COL16A1: variants seen among roughly 807,000 people sequenced by gnomAD.
The protein encoded by COL16A1 is collagen alpha-1(XVI) chain.
In COL16A1, 189 loss-of-function variants were observed where a neutral mutation model predicts 266.3. That is an observed-to-expected ratio of 0.71 (90% CI 0.63 to 0.80). COL16A1 has a LOEUF of 0.80. COL16A1 is among the 30% of genes least tolerant of loss of function. The probability of loss-of-function intolerance (pLI) is 0.00; values close to 1 mark genes in which losing one functional copy is unlikely to be tolerated. For synonymous variants in COL16A1, 740 were observed against 782.3 expected (o/e 0.95, Z 0.90); for missense variants, 1,928 against 2,122.4 (o/e 0.91, Z 1.80).
Position 31,697,051 on chromosome 1 carries a change from T to G in COL16A1, c.776A>C (p.Gln259Pro), listed in dbSNP as rs1644532898. Residue 259 changes from glutamine to proline, a missense_variant, in exon 8 of 71, where the codon CAG (glutamine) becomes CCG (proline). Physicochemically the swap from Gln to Pro is moderately conservative, Grantham distance 76. This residue lies in a region of COL16A1 where 1,552 missense variants were observed against 1,637.2 expected (regional missense o/e 0.95). Coordinates refer to ENST00000373672, the MANE Select transcript of COL16A1 (RefSeq NM_001856.4). The surrounding 1 kb of genome is among the most constrained non-coding windows in gnomAD (Gnocchi z 4.2). ...ATTGATCTCAATGAGCTCATTGCTC[T>G]GGGTGTCCCGGCGGGCCTTGGAGGT... is the stretch of plus-strand genomic sequence containing the variant. ...PETSKARRDT[Q>P]SNELIEINPQ... The G allele has an allele frequency of 1.9e-6, 3 of 1,614,170 alleles. No homozygotes were observed. Among genetic ancestry groups the G allele is most frequent in the Non-Finnish European group, 2.5e-6 (3 of 1,180,022 alleles).
chr1:31,700,170 C>A, intron 2 of COL16A1, 55 bp from the exon 3 acceptor site: 1 of 1,558,092 alleles, frequency 6.4e-7, no homozygotes, highest in Non-Finnish European at 8.9e-7. Flanking sequence ...GGTTGCTGCA[C>A]GGCTGGACGC....
intron 39 of COL16A1, among the ~76,000 whole-genome samples, chr1:31,680,387 C>G (rs1643543738): frequency 6.6e-6 from 1 of 152,204 alleles, no homozygotes; most frequent in African/African-American, 2.4e-5. Flanking sequence ...AAACGATGGT[C>G]CTGCTGTTAC....
chr1:31,685,720 A>T lies in COL16A1; in HGVS notation c.1935T>A (p.Asp645Glu), dbSNP rs771856925. ...GGCCAGGCAAGGCCACCACACGGACATCCCCATCCTGAAGGTTGGACAGGG... is the reference window on the plus strand; with the variant it reads ...GGCCAGGCAAGGCCACCACACGGACTTCCCCATCCTGAAGGTTGGACAGGG... ...CPALSNLQDG[D>E]VRVVALPGPS... is the part of the protein sequence containing the mutation. The change falls in exon 29 of 71, where the codon GAT becomes GAA. Residue 645 changes from aspartate to glutamate, a missense_variant. This residue lies in a region of COL16A1 where 1,552 missense variants were observed against 1,637.2 expected (regional missense o/e 0.95). Transcript: ENST00000373672. The surrounding 1 kb of genome is among the most constrained non-coding windows in gnomAD (Gnocchi z 4.0). 1 of 1,613,890 alleles carries T rather than the reference A, an allele frequency of 6.2e-7. No individual in the cohort carries two copies. The highest frequency in any genetic ancestry group is 1.3e-5 in the African/African-American group (1 of 74,936).
intron 26 of COL16A1, among the ~76,000 whole-genome samples, chr1:31,686,536 G>A (rs1398999297): frequency 2.6e-5 from 4 of 152,220 alleles, no homozygotes; most frequent in Non-Finnish European, 4.4e-5. Context: ...CAAAAATCAC[G>A]AAGGCATTTT....
At chr1:31,692,385 T>C (rs1396889279) in intron 16 of COL16A1, 89 bp downstream of exon 16, 1 of 1,514,180 alleles carries the variant, frequency 6.6e-7, no homozygotes, top group Non-Finnish European at 8.9e-7. Flanking sequence ...TGACACCCTC[T>C]CCTCAGAGAA....
intron 13 of COL16A1, 128 bp downstream of exon 13, chr1:31,692,964 C>T (rs1051519791): frequency 1.7e-5 from 16 of 946,720 alleles, no homozygotes; most frequent in South Asian, 2.9e-5. Context: ...CTGGCCCTCA[C>T]CCCCCTCCCG....
chr1:31,689,171 C>T, intron 23 of COL16A1, 86 bp from the exon 24 acceptor site: 2 of 1,601,696 alleles, frequency 1.2e-6, no homozygotes, highest in Admixed American at 1.7e-5. Flanking sequence ...ACAGCAATGT[C>T]ACACACGCAA....
Position 31,663,008 on chromosome 1 carries a change from A to C in COL16A1, c.3556-350T>G. The C allele has an allele frequency of 2.7e-5, 9 of 329,212 alleles. No homozygotes were observed. The highest frequency in any genetic ancestry group is 8.1e-5 in the South Asian group (2 of 24,722). 20.4% of individuals were successfully genotyped at this position (329,212 alleles called of 1,614,324 possible). A position where few individuals can be genotyped will look rare whatever the true frequency, so the allele number is the denominator to read the frequency against. On this transcript the variant is annotated intron_variant, in intron 56 of 70. Transcript: ENST00000373672. This position sits in a 1 kb window ranked among gnomAD's most constrained non-coding sequence, Gnocchi z 4.9. ...CTGTGAAAGCTGCCTGTTGTATTCTACTCCATCAGACCCCCTGCCTCCTCC... is the reference window on the plus strand; with the variant it reads ...CTGTGAAAGCTGCCTGTTGTATTCTCCTCCATCAGACCCCCTGCCTCCTCC...
rs2148654875 is a variant in COL16A1, at chr1:31,657,232, A to AC, written c.4021-165dup. The AC allele has an allele frequency of 1.3e-6, 1 of 764,452 alleles. No homozygotes were observed. The highest frequency in any genetic ancestry group is 1.7e-5 in the African/African-American group (1 of 57,612). The allele number at this position is 764,452 out of a possible 1,614,324, so 47.4% of individuals were successfully genotyped here. A position where few individuals can be genotyped will look rare whatever the true frequency, so the allele number is the denominator to read the frequency against. The stretch of plus-strand genomic sequence containing the variant: ...CTGGGCACAGGCCGTGGAAACTTAG[A>AC]CCCCCACCCCATACTCCAGCGTGAT... On this transcript the variant is annotated intron_variant, in intron 64 of 70. Coordinates refer to ENST00000373672, the MANE Select transcript of COL16A1 (RefSeq NM_001856.4). This position sits in a 1 kb window ranked among gnomAD's most constrained non-coding sequence, Gnocchi z 6.4.
At position 31,681,586 on chromosome 1, in the gene COL16A1, C is replaced by T. The variant is rs573340105; in HGVS notation, c.2539-519G>A. ...CACTTGCCTAGGGTCACGCCCCTAGCGAGTGTGGGGCTGAGGAAGGGAAGC... is the reference window on the plus strand; with the variant it reads ...CACTTGCCTAGGGTCACGCCCCTAGTGAGTGTGGGGCTGAGGAAGGGAAGC... On this transcript the variant is annotated intron_variant, in intron 37 of 70. Coordinates refer to ENST00000373672, the MANE Select transcript of COL16A1 (RefSeq NM_001856.4). 2.6e-5 allele frequency among the ~76,000 whole-genome samples: 4 copies of T among 152,338 alleles called. No homozygotes were observed. The South Asian group carries it at 6.2e-4, about 24-fold the overall frequency.
chr1:31,666,308 A>G, intron 52 of COL16A1: 2 of 571,132 alleles, frequency 3.5e-6, no homozygotes, highest in African/African-American at 1.9e-5. Flanking sequence ...CAAGCCAGCC[A>G]GCAAATGGCT....
rs1215345115 is a variant in COL16A1 at position 31,690,542 on chromosome 1, G to A, written c.1469C>T (p.Pro490Leu). ...GSSGIPGKEG[P>L]GGKPGKPGVK... is the part of the protein sequence containing the mutation. ...GGTGTCACTCACAGGTTTCCCACCAGGGCCTTCCTTTCCTGGGATCCCCGA... is the reference window on the plus strand; with the variant it reads ...GGTGTCACTCACAGGTTTCCCACCAAGGCCTTCCTTTCCTGGGATCCCCGA... Residue 490 changes from proline (P) to leucine (L), a missense_variant, in exon 21 of 71, where the codon CCT becomes CTT. Coordinates refer to ENST00000373672, the MANE Select transcript of COL16A1 (RefSeq NM_001856.4). The A allele has an allele frequency of 1.2e-6, 2 of 1,613,792 alleles. No homozygotes were observed.
chr1:31,680,784 C>T (rs1643575747), intron 39 of COL16A1, 121 bp downstream of exon 39: 3 of 1,577,130 alleles, frequency 1.9e-6, no homozygotes, highest in African/African-American at 1.3e-5. Context: ...GCACAGGCTC[C>T]CCTGGTTCAT....
At chr1:31,671,303 C>T (rs1380599157) in intron 48 of COL16A1, among the ~76,000 whole-genome samples, 5 of 152,192 alleles carry the variant, frequency 3.3e-5, no homozygotes, top group African/African-American at 1.2e-4. Context: ...AAGCCTAGGC[C>T]CCCTGCCGAG....
chr1:31,688,772 C>G lies in COL16A1; in HGVS notation c.1767+89G>C. The G allele has an allele frequency of 1.4e-6, 2 of 1,391,710 alleles. No individual in the cohort carries two copies. Among genetic ancestry groups the G allele is most frequent in the Non-Finnish European group, 2.0e-6 (2 of 1,006,448 alleles). The allele number at this position is 1,391,710 out of a possible 1,614,324, so 86.2% of individuals were successfully genotyped here. ...CTTCCCCTCCCTCCTGATCCCTGCC[C>G]TGAGACTTGGGATCTGAAAAGCCAG... On this transcript the variant is annotated intron_variant, in intron 25 of 70. Coordinates refer to ENST00000373672, the MANE Select transcript of COL16A1 (RefSeq NM_001856.4). This position sits in a 1 kb window ranked among gnomAD's most constrained non-coding sequence, Gnocchi z 4.9.
rs756495904 is a variant in COL16A1 at position 31,691,232 on chromosome 1, G to A, written c.1399-6C>T. The A allele has an allele frequency of 3.1e-6, 5 of 1,613,910 alleles. No individual in the cohort carries two copies. In the East Asian group the frequency reaches 8.9e-5, roughly 29 times the overall value. ...GGTGGGCCACCTGGATCCCCCTGAGGGCAGAAACAGAGTCACGTGGAAGTT... is the reference window on the plus strand; with the variant it reads ...GGTGGGCCACCTGGATCCCCCTGAGAGCAGAAACAGAGTCACGTGGAAGTT... On this transcript the variant is annotated splice_polypyrimidine_tract_variant and splice_region_variant and intron_variant, in intron 19 of 70. Coordinates refer to ENST00000373672, the MANE Select transcript of COL16A1 (RefSeq NM_001856.4).
intron 26 of COL16A1, among the ~76,000 whole-genome samples, chr1:31,686,870 G>A (rs1453619577): frequency 2.0e-5 from 3 of 152,202 alleles, no homozygotes; most frequent in Non-Finnish European, 4.4e-5. Context: ...AAAATCTGAC[G>A]GGTGGGAGTA....
intron 31 of COL16A1, 51 bp from the exon 32 acceptor site, chr1:31,684,282 AG>A: frequency 6.9e-7 from 1 of 1,451,146 alleles, no homozygotes; most frequent in Non-Finnish European, 9.1e-7. Flanking sequence ...GCTGGCACCC[AG>A]GCCAGGACGC....
In COL16A1 at chr1:31,697,966, G is replaced by A. The variant is rs1203478098; in HGVS notation, c.597C>T (p.Pro199=). Residue 199 remains proline (P), a synonymous_variant, in exon 6 of 71, where the codon CCC becomes CCT. Coordinates refer to ENST00000373672, the MANE Select transcript of COL16A1 (RefSeq NM_001856.4). The surrounding 1 kb of genome is among the most constrained non-coding windows in gnomAD (Gnocchi z 4.2). ...GAAATACATGGCCCACAGGCCTCAT[G>A]GGTCGTCGGGGCCCCAGAGGCTGGG... ...ASSQPLGPRR[P]MRPVGHVFLG... is the part of the protein sequence containing the mutation. The A allele has an allele frequency of 6.2e-7, 1 of 1,613,296 alleles. No individual in the cohort carries two copies. Among genetic ancestry groups the A allele is most frequent in the Non-Finnish European group, 8.5e-7 (1 of 1,180,038 alleles).
Sources: allele counts gnomAD v4.1 joint callset (sites outside exome capture counted in the v4.1 genomes callset), GRCh38; gene constraint gnomAD v4.1.1; regional missense constraint gnomAD v4.1.1; non-coding constraint Gnocchi (gnomAD v3.1); transcripts MANE v1.5; gene names NCBI Gene and HGNC (gene_info 2026-07-23, HGNC 2026-07-21).